Variants in TMEM14A observed in about 807,000 individuals in gnomAD.
TMEM14A encodes transmembrane protein 14A.
A neutral mutation model predicts 11.6 loss-of-function variants in TMEM14A; 8 were observed. That is an observed-to-expected ratio of 0.69 (90% CI 0.40 to 1.24). TMEM14A has a LOEUF of 1.24. Among genes scored for constraint, TMEM14A ranks in the 50% most tolerant of loss-of-function variants. The pLI is 0.01. For missense variants in TMEM14A, 108 were observed against 121.9 expected (o/e 0.89, Z 0.54); for synonymous variants, 34 against 45.5 (o/e 0.75, Z 1.02).
At chr6:52,679,231 G>A (rs1422118525) in intron 2 of TMEM14A, among the ~76,000 whole-genome samples, 3 of 152,134 alleles carry the variant, frequency 2.0e-5, no homozygotes, top group Non-Finnish European at 4.4e-5. Context: ...GTGCTTGCCT[G>A]GGCTCACCCC....
intron 2 of TMEM14A, among the ~76,000 whole-genome samples, 180 bp downstream of exon 2, chr6:52,677,352 GA>G (rs1259425147): frequency 6.6e-6 from 1 of 152,206 alleles, no homozygotes; most frequent in Non-Finnish European, 1.5e-5. Context: ...GAGCATGACA[GA>G]GTGTTCCAAC....
intron 2 of TMEM14A, among the ~76,000 whole-genome samples, chr6:52,681,568 T>G (rs1769392275): frequency 6.6e-6 from 1 of 152,226 alleles, no homozygotes; most frequent in African/African-American, 2.4e-5. Context: ...TTTCCCCAAG[T>G]GACATCTAAC....
At chr6:52,676,529 C>T (rs1482082472) in intron 1 of TMEM14A, among the ~76,000 whole-genome samples, 1 of 152,186 alleles carries the variant, frequency 6.6e-6, no homozygotes, top group African/African-American at 2.4e-5. Flanking sequence ...ACTAGGATTA[C>T]AGGCGTGAGC....
intron 3 of TMEM14A, 103 bp from the exon 4 acceptor site, chr6:52,683,975 T>C: frequency 9.4e-7 from 1 of 1,059,150 alleles, no homozygotes; most frequent in Non-Finnish European, 1.4e-6. Flanking sequence ...TACCTATCCA[T>C]AATAGTTGTA....
intron 2 of TMEM14A, among the ~76,000 whole-genome samples, chr6:52,677,476 A>ATT (rs34248758): frequency 4.5e-4 from 67 of 148,334 alleles, no homozygotes; most frequent in East Asian, 7.9e-4. Context: ...TTAAATGAGG[A>ATT]TTTTTTTTTT....
intron 2 of TMEM14A, among the ~76,000 whole-genome samples, chr6:52,680,209 G>T (rs1769339051): frequency 6.6e-6 from 1 of 151,920 alleles, no homozygotes; most frequent in Non-Finnish European, 1.5e-5. Context: ...GGAAGACTAT[G>T]ATGGGGGCCC....
chr6:52,680,593 T>TATATGTATATATA (rs1561874928), intron 2 of TMEM14A, among the ~76,000 whole-genome samples: 2 of 96,524 alleles, frequency 2.1e-5, no homozygotes, highest in South Asian at 7.0e-4. Flanking sequence ...ATTTATATAT[T>TATATGTATATATA]TATATATATA....
intron 3 of TMEM14A, among the ~76,000 whole-genome samples, chr6:52,683,511 T>TCTTTCTC (rs1230476863): frequency 6.6e-6 from 1 of 151,198 alleles, no homozygotes; most frequent in East Asian, 1.9e-4. Flanking sequence ...AAAGAAAAGG[T>TCTTTCTC]CTTTCTCTTT....
chr6:52,684,134 A>G lies in TMEM14A; in HGVS notation c.229A>G (p.Ile77Val). Reference protein sequence around the residue: ...MGVRFKRSKKIMPAGLVAGLS... With the variant: ...MGVRFKRSKKVMPAGLVAGLS... ...TGTGAGATTTAAGAGGTCCAAGAAA[A>G]TAATGCCTGCTGGTTTGGTTGCAGG... is the stretch of plus-strand genomic sequence containing the variant. The change falls in exon 4 of 5, where the codon ATA (isoleucine) becomes GTA (valine). Residue 77 changes from isoleucine to valine, a missense_variant. Ile to Val is a conservative substitution (Grantham distance 29, BLOSUM62 3). Transcript: ENST00000211314. The G allele has an allele frequency of 6.2e-7, 1 of 1,613,906 alleles. No homozygotes were observed. Among genetic ancestry groups the G allele is most frequent in the Non-Finnish European group, 8.5e-7 (1 of 1,179,888 alleles).
Position 52,681,823 on chromosome 6 carries a change from G to C in TMEM14A, c.81G>C (p.Pro27=). The change falls in exon 3 of 5, where the codon CCG becomes CCC. Residue 27 remains proline, a synonymous_variant. Transcript: ENST00000211314. ...IFGYKRRGGV[P]SLIAGLFVGC... ...TTTTTCCCCTTCCAGGTGGTGTTCCGTCTTTGATTGCTGGTCTTTTTGTTG... is the reference window on the plus strand; with the variant it reads ...TTTTTCCCCTTCCAGGTGGTGTTCCCTCTTTGATTGCTGGTCTTTTTGTTG... 6.2e-7 allele frequency: 1 copy of C among 1,613,804 alleles called. No homozygotes were observed. The highest frequency in any genetic ancestry group is 8.5e-7 in the Non-Finnish European group (1 of 1,179,906).
chr6:52,684,178 A>T lies in TMEM14A; in HGVS notation c.260+13A>T. The stretch of plus-strand genomic sequence containing the variant: ...TTGCAGGTTTAAGGTAAGTAAAACT[A>T]TTTTGATCAATACTTTCCTCTGCTG... On this transcript the variant is annotated intron_variant, in intron 4 of 4. Transcript: ENST00000211314. The T allele has an allele frequency of 6.2e-7, 1 of 1,609,118 alleles. No homozygotes were observed. The highest frequency in any genetic ancestry group is 8.5e-7 in the Non-Finnish European group (1 of 1,177,408).
intron 2 of TMEM14A, among the ~76,000 whole-genome samples, chr6:52,681,032 A>AC (rs774579672): frequency 6.6e-6 from 1 of 151,264 alleles, no homozygotes; most frequent in Non-Finnish European, 1.5e-5. Context: ...CTTTGACCCT[A>AC]CCCCCCAGGG....
intron 4 of TMEM14A, 57 bp from the exon 5 acceptor site, chr6:52,685,953 T>C: frequency 6.4e-7 from 1 of 1,572,214 alleles, no homozygotes; most frequent in Non-Finnish European, 8.7e-7. Flanking sequence ...TGGCCCTTTC[T>C]GTCTTATGCC....
At chr6:52,671,432 C>T (rs1238524587) in intron 1 of TMEM14A, among the ~76,000 whole-genome samples, 187 bp downstream of exon 1, 1 of 152,148 alleles carries the variant, frequency 6.6e-6, no homozygotes, top group Non-Finnish European at 1.5e-5. Context: ...TATCATTTTT[C>T]TCCTCCTCCC....
rs984956057 is a variant in TMEM14A, at chr6:52,684,196, C to G, written c.260+31C>G. 5 of 1,587,384 alleles carry G rather than the reference C, an allele frequency of 3.1e-6. No homozygotes were observed. In the African/African-American group the frequency reaches 6.8e-5, roughly 22 times the overall value. On this transcript the variant is annotated intron_variant, in intron 4 of 4. Coordinates refer to ENST00000211314, the MANE Select transcript of TMEM14A (RefSeq NM_014051.4). ...TAAAACTATTTTGATCAATACTTTC[C>G]TCTGCTGTTGTTTTGAAGTGCTGAA... is the stretch of plus-strand genomic sequence containing the variant.
At chr6:52,681,716 T>C (rs1417858752) in intron 2 of TMEM14A, 97 bp from the exon 3 acceptor site, 7 of 1,009,074 alleles carry the variant, frequency 6.9e-6, no homozygotes, top group Non-Finnish European at 9.2e-6. Context: ...CAAGTAGGAA[T>C]ACATTTGAAG....
chr6:52,681,036 C>T (rs1769383181), intron 2 of TMEM14A, among the ~76,000 whole-genome samples: 1 of 151,918 alleles, frequency 6.6e-6, no homozygotes, highest in South Asian at 2.1e-4. Flanking sequence ...GACCCTACCC[C>T]CCAGGGATTT....
rs2127260405 is a variant in TMEM14A, at chr6:52,671,127, G to A, written c.-135G>A. The stretch of plus-strand genomic sequence containing the variant: ...GGCCTTTGCTCAGCGCGAGACGGCT[G>A]GGCGCCGAGTGGGACAGCGCTGGTG... On this transcript the variant is annotated 5_prime_UTR_variant, in exon 1 of 5. Transcript: ENST00000211314. 1 of 152,386 alleles carries A rather than the reference G, an allele frequency of 6.6e-6. No individual in the cohort carries two copies. The highest frequency in any genetic ancestry group is 1.9e-4 in the East Asian group (1 of 5,192). 9.4% of individuals were successfully genotyped at this position (152,386 alleles called of 1,614,324 possible).
intron 1 of TMEM14A, among the ~76,000 whole-genome samples, chr6:52,675,035 C>T (rs544155192): frequency 5.9e-5 from 9 of 152,064 alleles, no homozygotes; most frequent in African/African-American, 2.2e-4. Flanking sequence ...CACCACCATG[C>T]CACGTCCGGG....
Sources: allele counts gnomAD v4.1 joint callset (sites outside exome capture counted in the v4.1 genomes callset), GRCh38; gene constraint gnomAD v4.1.1; transcripts MANE v1.5; gene names NCBI Gene and HGNC (gene_info 2026-07-23, HGNC 2026-07-21).